SLC38A8: variants seen among roughly 807,000 people sequenced by gnomAD.
SLC38A8 encodes solute carrier family 38 member 8.
SLC38A8 carries 65 observed loss-of-function variants against 46.0 expected under a neutral mutation model. The observed-to-expected ratio is 1.41, with a 90% CI of 1.16 to 1.74. The LOEUF (loss-of-function observed/expected upper bound fraction) is 1.74, where lower values mean the gene tolerates loss of function less well. Ranked by LOEUF, SLC38A8 falls within the 40% of genes most tolerant of loss-of-function variation. SLC38A8 has a pLI of 0.00. For synonymous variants in SLC38A8, 447 were observed against 243.7 expected (o/e 1.83, Z -7.77); for missense variants, 998 against 567.9 (o/e 1.76, Z -7.70).
At chr16:84,035,020 C>A (rs11149616) in intron 3 of SLC38A8, among the ~76,000 whole-genome samples, 26,373 of 152,124 alleles carry the variant, frequency 0.17, 2,698 homozygotes, top group Non-Finnish European at 0.23. Context: ...TTGGCCTTCC[C>A]TACAGAGAGG....
intron 3 of SLC38A8, among the ~76,000 whole-genome samples, chr16:84,036,142 CAAT>C (rs1567703129): frequency 6.6e-6 from 1 of 152,182 alleles, no homozygotes; most frequent in African/African-American, 2.4e-5. Flanking sequence ...AAAAACTCCT[CAAT>C]AATTGTCAAT....
chr16:84,022,953 A>C (rs1258973999), intron 6 of SLC38A8, 64 bp from the exon 7 acceptor site: 1 of 1,214,410 alleles, frequency 8.2e-7, no homozygotes, highest in Non-Finnish European at 1.1e-6. Flanking sequence ...TGCGAAAAAA[A>C]ACTCATATCC....
chr16:84,020,287 G>C (rs544760198), intron 7 of SLC38A8, among the ~76,000 whole-genome samples: 22 of 152,106 alleles, frequency 1.4e-4, no homozygotes, highest in Non-Finnish European at 1.8e-4. Context: ...GGAACTACAG[G>C]CTCACACCAC....
chr16:84,042,263 GCCGCTCCTGCCCGCTTCC>G, intron 1 of SLC38A8, 104 bp from the exon 2 acceptor site: 1 of 1,266,842 alleles, frequency 7.9e-7, no homozygotes, highest in Non-Finnish European at 1.1e-6. Context: ...AGCTCCCTGA[GCCGCTCCTGCCCGCTTCC>G]TTGGCGTCAG....
chr16:84,009,954 C>T (rs952843371), intron 10 of SLC38A8, 77 bp from the exon 11 acceptor site: 3 of 1,264,788 alleles, frequency 2.4e-6, no homozygotes, highest in South Asian at 2.6e-5. Flanking sequence ...AAAAAATTCA[C>T]TATGTAGAGC....
At position 84,016,618 on chromosome 16, in the gene SLC38A8, C is replaced by A; in HGVS notation, c.1063G>T (p.Val355Phe). The A allele has an allele frequency of 3.1e-6, 5 of 1,613,952 alleles. No individual in the cohort carries two copies. Among genetic ancestry groups the A allele is most frequent in the Non-Finnish European group, 4.2e-6 (5 of 1,180,030 alleles). ...WVRMPLTILW[V>F]TVTLAMALFM... ...AGCGCCATGGCGAGCGTCACGGTGA[C>A]CCACAGGATGGTCAGCGGCATCCGG... Residue 355 changes from valine to phenylalanine, a missense_variant, in exon 9 of 11, where the codon GTC (valine) becomes TTC (phenylalanine). Val to Phe is a conservative substitution (Grantham distance 50). Coordinates refer to ENST00000299709, the MANE Select transcript of SLC38A8 (RefSeq NM_001080442.3).
chr16:84,026,860 G>T (rs190716045), intron 6 of SLC38A8, among the ~76,000 whole-genome samples: 3 of 152,172 alleles, frequency 2.0e-5, no homozygotes, highest in Non-Finnish European at 4.4e-5. Flanking sequence ...GACAAGAAGT[G>T]CAAGAGCTGC....
chr16:84,039,183 C>A (rs768464463), intron 2 of SLC38A8, among the ~76,000 whole-genome samples: 1 of 152,204 alleles, frequency 6.6e-6, no homozygotes, highest in Non-Finnish European at 1.5e-5. Context: ...TTGGAGGGAG[C>A]GAAGCCCTGC....
intron 7 of SLC38A8, among the ~76,000 whole-genome samples, chr16:84,019,907 C>G (rs1413340261): frequency 1.3e-5 from 2 of 152,262 alleles, no homozygotes; most frequent in Non-Finnish European, 2.9e-5. Flanking sequence ...CATGTGCCAC[C>G]CCCTGGACAC....
intron 7 of SLC38A8, among the ~76,000 whole-genome samples, chr16:84,020,137 C>T (rs1019703905): frequency 3.0e-5 from 4 of 134,308 alleles, no homozygotes; most frequent in South Asian, 2.2e-4. Flanking sequence ...CCACAACATC[C>T]GTTGTTTTTT....
At chr16:84,016,469 T>A (rs1415233316) in intron 9 of SLC38A8, 50 bp downstream of exon 9, 1 of 1,589,408 alleles carries the variant, frequency 6.3e-7, no homozygotes, top group Non-Finnish European at 8.6e-7. Context: ...CCCACAGAGA[T>A]GAGCAGGGAA....
chr16:84,030,962 G>C (rs1041715100), intron 5 of SLC38A8, among the ~76,000 whole-genome samples: 1 of 152,214 alleles, frequency 6.6e-6, no homozygotes, highest in Non-Finnish European at 1.5e-5. Context: ...GATCTAGGCA[G>C]AGGCCTCCCA....
intron 6 of SLC38A8, among the ~76,000 whole-genome samples, chr16:84,023,510 A>ATACTAACACAC (rs1220721597): frequency 6.6e-6 from 1 of 152,102 alleles, no homozygotes; most frequent in Non-Finnish European, 1.5e-5. Context: ...AAATGGCAGG[A>ATACTAACACAC]TACTAACACA....
chr16:84,032,665 C>A (rs2085255893), intron 4 of SLC38A8, among the ~76,000 whole-genome samples: 1 of 152,218 alleles, frequency 6.6e-6, no homozygotes, highest in South Asian at 2.1e-4. Context: ...GCACGAGAGC[C>A]TTGCAGGGCA....
At chr16:84,013,739 T>C (rs1023654021) in intron 9 of SLC38A8, among the ~76,000 whole-genome samples, 2 of 151,812 alleles carry the variant, frequency 1.3e-5, no homozygotes, top group South Asian at 2.1e-4. Context: ...CTTTTTTTTT[T>C]TTTTTTTAAA....
chr16:84,013,493 C>A (rs7194466), intron 9 of SLC38A8, among the ~76,000 whole-genome samples: 3,571 of 136,942 alleles, frequency 0.026, 161 homozygotes, highest in African/African-American at 0.092. Flanking sequence ...TGCAGTGGCA[C>A]CATCTCGGCT....
At chr16:84,041,694 G>T (rs949562107) in intron 2 of SLC38A8, among the ~76,000 whole-genome samples, 2 of 152,162 alleles carry the variant, frequency 1.3e-5, no homozygotes, top group African/African-American at 4.8e-5. Context: ...TCCTTCCCAG[G>T]TGAAATGCCC....
At chr16:84,017,334 C>T (rs776770703) in intron 7 of SLC38A8, 47 bp from the exon 8 acceptor site, 2 of 1,601,910 alleles carry the variant, frequency 1.2e-6, no homozygotes. Context: ...TAGGAAAATG[C>T]TGCCCCCTCC....
chr16:84,009,828 T>G lies in SLC38A8; in HGVS notation c.1264A>C (p.Ile422Leu). The G allele has an allele frequency of 6.2e-7, 1 of 1,614,040 alleles. No homozygotes were observed. Among genetic ancestry groups the G allele is most frequent in the Non-Finnish European group, 8.5e-7 (1 of 1,179,992 alleles). ...GCTGCCGCCGTGCTCTGCCCAAAGA[T>G]GAAGGTGCCGACCAGCACAGAGACC... is the stretch of plus-strand genomic sequence containing the variant. ...GVVSVLVGTF[I>L]FGQSTAAAVW... Residue 422 changes from isoleucine (I) to leucine (L), a missense_variant, in exon 11 of 11, where the codon ATC becomes CTC. Ile to Leu is a conservative substitution (Grantham distance 5, BLOSUM62 2). Coordinates refer to ENST00000299709, the MANE Select transcript of SLC38A8 (RefSeq NM_001080442.3).
Sources: allele counts gnomAD v4.1 joint callset (sites outside exome capture counted in the v4.1 genomes callset), GRCh38; gene constraint gnomAD v4.1.1; transcripts MANE v1.5; gene names NCBI Gene and HGNC (gene_info 2026-07-23, HGNC 2026-07-21).